Variants in CUX1 observed in about 807,000 individuals in gnomAD.
CUX1 encodes the protein protein CASP.
In CUX1, 31 loss-of-function variants were observed where a neutral mutation model predicts 158.8. The observed-to-expected ratio is 0.20, with a 90% confidence interval of 0.15 to 0.26. The LOEUF is 0.26. Among genes scored for constraint, CUX1 ranks in the 10% least tolerant of loss-of-function variants. The probability of loss-of-function intolerance (pLI) is 1.00; values close to 1 mark genes in which losing one functional copy is unlikely to be tolerated. For synonymous variants in CUX1, 879 were observed against 862.1 expected (o/e 1.02, Z -0.34); for missense variants, 1,589 against 2,014.6 (o/e 0.79, Z 4.04).
intron 10 of CUX1, among the ~76,000 whole-genome samples, chr7:102,173,518 G>A (rs1163073792): frequency 3.9e-5 from 6 of 152,140 alleles, no homozygotes; most frequent in Non-Finnish European, 4.4e-5. Context: ...TCTAAGTTTA[G>A]ACAAACTGGA....
At chr7:102,000,833 G>A (rs1341039935) in intron 2 of CUX1, among the ~76,000 whole-genome samples, 4 of 152,090 alleles carry the variant, frequency 2.6e-5, no homozygotes, top group South Asian at 2.1e-4. Context: ...GCAGTGGTGC[G>A]ATCATAGCTC....
intron 9 of CUX1, among the ~76,000 whole-genome samples, chr7:102,166,992 G>A (rs1186844791): frequency 6.6e-6 from 1 of 152,176 alleles, no homozygotes; most frequent in African/African-American, 2.4e-5. Context: ...ATCAGGCCGG[G>A]CGCGGTGGCT....
In CUX1 at chr7:102,227,471, C is replaced by T; in HGVS notation, c.3235C>T (p.Pro1079Ser). Residue 1079 changes from proline (P) to serine (S), a missense_variant, in exon 21 of 24, where the codon CCC becomes TCC. Pro to Ser is a moderately conservative substitution (Grantham distance 74). Transcript: ENST00000292535. The stretch of plus-strand genomic sequence containing the variant: ...GACCGAGCTGGTCCAGCAGCCCTGT[C>T]CCCCCATCGAGGCGAGCAAGGACAG... ...SLTELVQQPC[P>S]PIEASKDSKP... 1 of 1,614,062 alleles carries T rather than the reference C, an allele frequency of 6.2e-7. No homozygotes were observed. The highest frequency in any genetic ancestry group is 8.5e-7 in the Non-Finnish European group (1 of 1,180,018).
intron 22 of CUX1, among the ~76,000 whole-genome samples, chr7:102,237,360 C>T (rs1351171648): frequency 1.3e-5 from 2 of 151,660 alleles, no homozygotes; most frequent in Admixed American, 6.6e-5. Flanking sequence ...CTCGGGTGCA[C>T]GCAGCCTCGG....
chr7:102,114,288 T>C (rs1330033901), intron 7 of CUX1, among the ~76,000 whole-genome samples: 1 of 152,252 alleles, frequency 6.6e-6, no homozygotes, highest in African/African-American at 2.4e-5. Flanking sequence ...TTTGTTACAC[T>C]TTTTTGAAAT....
intron 11 of CUX1, among the ~76,000 whole-genome samples, chr7:102,189,141 C>T (rs1554516167): frequency 6.6e-6 from 1 of 152,152 alleles, no homozygotes; most frequent in Non-Finnish European, 1.5e-5. Flanking sequence ...TACAAAAGGG[C>T]TGTGTCTCTC....
In CUX1 at chr7:101,974,039, A is replaced by T. The variant is rs527360250; in HGVS notation, c.142-54059A>T. On this transcript the variant is annotated intron_variant, in intron 2 of 23. Transcript: ENST00000292535. Reference sequence around the variant, plus strand: ...CGCCTCAGCCTCCCAAAGTGTTAGGATTACAGGCGTGAACCACTGCGCCCG... The same window carrying T: ...CGCCTCAGCCTCCCAAAGTGTTAGGTTTACAGGCGTGAACCACTGCGCCCG... Among the ~76,000 whole-genome samples the T allele has an allele frequency of 3.7e-4, 56 of 150,406 alleles. 1 individual carries two copies. The highest frequency in any genetic ancestry group is 2.2e-3 in the Admixed American group (34 of 15,112).
chr7:102,163,606 G>C, intron 9 of CUX1, among the ~76,000 whole-genome samples: 1 of 152,210 alleles, frequency 6.6e-6, no homozygotes, highest in East Asian at 1.9e-4. Flanking sequence ...TTGGAGAACA[G>C]ATGGGAGTGG....
chr7:101,924,012 C>G (rs1805288516), intron 2 of CUX1, among the ~76,000 whole-genome samples: 1 of 152,214 alleles, frequency 6.6e-6, no homozygotes. Flanking sequence ...GAATCTTTTA[C>G]CATCGTTGAA....
chr7:102,166,627 C>T (rs1043269834), intron 9 of CUX1, among the ~76,000 whole-genome samples: 7 of 152,196 alleles, frequency 4.6e-5, no homozygotes, highest in African/African-American at 7.2e-5. Context: ...TGATGGGCTA[C>T]GCTTACTTCT....
At position 101,872,066 on chromosome 7, in the gene CUX1, A is replaced by C. The variant is rs142784702; in HGVS notation, c.31-44049A>C. 4.0e-5 allele frequency among the ~76,000 whole-genome samples: 6 copies of C among 151,772 alleles called. No homozygotes were observed. The East Asian group carries it at 1.2e-3, about 29-fold the overall frequency. ...AAGTTGTGTGCAGCGTGATTCTGTGAGTTCAAGATGCAAAGCAATGACTTT... is the reference window on the plus strand; with the variant it reads ...AAGTTGTGTGCAGCGTGATTCTGTGCGTTCAAGATGCAAAGCAATGACTTT... On this transcript the variant is annotated intron_variant, in intron 1 of 23. Coordinates refer to ENST00000292535, the MANE Select transcript of CUX1 (RefSeq NM_181552.4).
At chr7:102,242,961 TAGTA>T (rs1554535472) in intron 23 of CUX1, among the ~76,000 whole-genome samples, 2 of 152,090 alleles carry the variant, frequency 1.3e-5, no homozygotes, top group African/African-American at 2.4e-5. Flanking sequence ...CCTCAAAACT[TAGTA>T]AGTAAAATTT....
chr7:102,265,458 G>C lies in CUX1; in HGVS notation c.1256-7908G>C, dbSNP rs556579241. 8.0e-4 allele frequency among the ~76,000 whole-genome samples: 121 copies of C among 151,812 alleles called. No homozygotes were observed. The Middle Eastern group carries it at 0.01, about 13-fold the overall frequency. On this transcript the variant is annotated intron_variant, in intron 14 of 22. Transcript: ENST00000292538. ...TACAAGGTCACTATTTTTTTTAAGA[G>C]ACAGGGTCTCACTCTGTTGCCCAGG...
At chr7:102,106,079 C>CTTTTTTTTTTTTTTTTT (rs782580660) in intron 6 of CUX1, among the ~76,000 whole-genome samples, 1 of 72,270 alleles carries the variant, frequency 1.4e-5, no homozygotes, top group Non-Finnish European at 2.6e-5. Flanking sequence ...TTTCTTTTTT[C>CTTTTTTTTTTTTTTTTT]TTTTTTTTTT....
chr7:102,007,830 C>T (rs371203613), intron 2 of CUX1, among the ~76,000 whole-genome samples: 27 of 151,798 alleles, frequency 1.8e-4, no homozygotes, highest in African/African-American at 3.6e-4. Flanking sequence ...CTGCAACCTC[C>T]GCCTCCTGGG....
At chr7:101,865,330 C>G (rs1026286670) in intron 1 of CUX1, among the ~76,000 whole-genome samples, 2 of 152,196 alleles carry the variant, frequency 1.3e-5, no homozygotes, top group African/African-American at 4.8e-5. Flanking sequence ...TGTTTTTCTT[C>G]TTTGCAGTGG....
At chr7:101,995,704 T>C (rs1388091499) in intron 2 of CUX1, among the ~76,000 whole-genome samples, 1 of 152,356 alleles carries the variant, frequency 6.6e-6, no homozygotes, top group African/African-American at 2.4e-5. Flanking sequence ...GGCTGGCCCA[T>C]GTCCCATAGG....
chr7:101,964,999 G>C (rs548679018), intron 2 of CUX1, among the ~76,000 whole-genome samples: 2 of 152,244 alleles, frequency 1.3e-5, no homozygotes, highest in South Asian at 4.1e-4. Context: ...AGGGTTTAAT[G>C]GTGATTAAAG....
intron 8 of CUX1, among the ~76,000 whole-genome samples, chr7:102,139,686 C>T (rs1554499693): frequency 1.3e-5 from 2 of 152,188 alleles, no homozygotes; most frequent in African/African-American, 4.8e-5. Context: ...GGATCTTGAT[C>T]TGTCACCCAG....
Sources: gnomAD v4.1 joint callset for allele counts (sites outside exome capture counted in the v4.1 genomes callset) on GRCh38, gnomAD v4.1.1 for gene constraint, MANE v1.5 for transcripts, NCBI Gene and HGNC (gene_info 2026-07-23, HGNC 2026-07-21) for gene names.